The following LOC400499 variants were observed in gnomAD, a reference collection of about 807,000 sequenced individuals.
chr16:11,424,393 C>G, the LOC400499 span: 3 of 399,248 alleles, frequency 7.5e-6, no homozygotes, highest in East Asian at 1.1e-4. Context: ...CCAGAGACCA[C>G]TCACCCCAGT....
the LOC400499 span, among the ~76,000 whole-genome samples, chr16:11,463,840 CATGT>C: frequency 2.0e-5 from 3 of 151,694 alleles, no homozygotes; most frequent in South Asian, 2.1e-4. Context: ...TGTTTATGGA[CATGT>C]ATGTGTGTAA....
chr16:11,429,875 A>G, the LOC400499 span, among the ~76,000 whole-genome samples: 3 of 152,352 alleles, frequency 2.0e-5, no homozygotes, highest in Admixed American at 2.0e-4. Context: ...GTGGGTGCTA[A>G]AACTAGGAGG....
the LOC400499 span, among the ~76,000 whole-genome samples, chr16:11,412,055 G>C: frequency 2.0e-5 from 3 of 151,990 alleles, no homozygotes; most frequent in African/African-American, 7.3e-5. Context: ...GTAGCGATGG[G>C]GATCTCACTA....
chr16:11,377,270 C>T, the LOC400499 span, among the ~76,000 whole-genome samples: 4 of 152,138 alleles, frequency 2.6e-5, no homozygotes, highest in African/African-American at 4.8e-5. Context: ...TCAGGATTTT[C>T]GACAAAGATG....
chr16:11,419,536 T>C, the LOC400499 span, among the ~76,000 whole-genome samples: 10 of 151,992 alleles, frequency 6.6e-5, no homozygotes, highest in Middle Eastern at 3.2e-3. Flanking sequence ...AGGACATAGG[T>C]ATGGGCAAGG....
At chr16:11,511,398 C>G in the LOC400499 span, among the ~76,000 whole-genome samples, 4 of 152,080 alleles carry the variant, frequency 2.6e-5, no homozygotes, top group African/African-American at 9.7e-5. Context: ...GCTATTGGCC[C>G]AAGTCACACA....
chr16:11,393,162 C>A, the LOC400499 span, among the ~76,000 whole-genome samples: 7 of 132,112 alleles, frequency 5.3e-5, no homozygotes, highest in African/African-American at 1.7e-4. Context: ...CCACCCCCCC[C>A]CCTTTTTTTT....
chr16:11,396,517 T>G, the LOC400499 span: 1 of 1,232,132 alleles, frequency 8.1e-7, no homozygotes. Flanking sequence ...TGACCTCCAG[T>G]GCCCCGGAGA....
the LOC400499 span, among the ~76,000 whole-genome samples, chr16:11,391,323 T>C: frequency 1.5e-4 from 23 of 152,260 alleles, no homozygotes; most frequent in Admixed American, 1.4e-3. Context: ...GAGCTCATCG[T>C]GGAACCAGAA....
chr16:11,422,938 G>T, the LOC400499 span, among the ~76,000 whole-genome samples: 1 of 152,312 alleles, frequency 6.6e-6, no homozygotes, highest in East Asian at 1.9e-4. Context: ...ACCTGTGTTT[G>T]CAGATGGGAC....
At chr16:11,523,620 G>A in the LOC400499 span, 1 of 394,438 alleles carries the variant, frequency 2.5e-6, no homozygotes, top group Non-Finnish European at 4.5e-6. Flanking sequence ...GTCCTCAGGG[G>A]AGGGAGGGCC....
chr16:11,525,604 G>A, the LOC400499 span, among the ~76,000 whole-genome samples: 4 of 152,044 alleles, frequency 2.6e-5, no homozygotes, highest in Non-Finnish European at 4.4e-5. Flanking sequence ...TAATCATTAC[G>A]TTCTCGATTG....
At chr16:11,503,288 G>A in the LOC400499 span, among the ~76,000 whole-genome samples, 1 of 152,074 alleles carries the variant, frequency 6.6e-6, no homozygotes, top group Admixed American at 6.6e-5. Flanking sequence ...GGCATTATAG[G>A]GGGTGCAGAG....
At chr16:11,404,595 C>T in the LOC400499 span, 1 of 396,546 alleles carries the variant, frequency 2.5e-6, no homozygotes, top group Non-Finnish European at 4.4e-6. Flanking sequence ...GATCTACCCA[C>T]CTCGGCCTCC....
the LOC400499 span, among the ~76,000 whole-genome samples, chr16:11,400,162 T>A: frequency 9.2e-5 from 14 of 151,670 alleles, 1 homozygote; most frequent in South Asian, 4.2e-4. Context: ...GCATGATCTG[T>A]CCCTGCCCAT....
At chr16:11,484,156 C>A in the LOC400499 span, among the ~76,000 whole-genome samples, 3 of 151,676 alleles carry the variant, frequency 2.0e-5, no homozygotes, top group Non-Finnish European at 4.4e-5. Flanking sequence ...TACAGGCACC[C>A]ACCACCACGC....
the LOC400499 span, chr16:11,385,184 A>G: frequency 0.96 from 1,188,364 of 1,231,924 alleles, 575,724 homozygotes; most frequent in African/African-American, 0.99. Flanking sequence ...GCTCAGTCCT[A>G]CAGGCTGCCA....
At chr16:11,517,772 T>C in the LOC400499 span, among the ~76,000 whole-genome samples, 10 of 151,454 alleles carry the variant, frequency 6.6e-5, no homozygotes, top group Admixed American at 6.6e-4. Context: ...ATCTGCAGAG[T>C]GAAGGGACGG....
the LOC400499 span, chr16:11,450,474 C>T: frequency 3.9e-6 from 3 of 772,334 alleles, no homozygotes; most frequent in Non-Finnish European, 6.1e-6. Flanking sequence ...TAGTTGCAGG[C>T]ACTGGGAGGG....
Sources: allele counts gnomAD v4.1 joint callset (sites outside exome capture counted in the v4.1 genomes callset), GRCh38; gene constraint gnomAD v4.1.1; transcripts MANE v1.5.